Variants in DLGAP2 observed in about 807,000 individuals in gnomAD.
DLGAP2 encodes the protein disks large-associated protein 2.
A neutral mutation model predicts 100.3 loss-of-function variants in DLGAP2; 26 were observed. That is an observed-to-expected ratio of 0.26 (90% CI 0.19 to 0.36). DLGAP2 has a LOEUF of 0.36. Ranked by LOEUF, DLGAP2 falls within the 10% of genes least tolerant of loss-of-function variation. DLGAP2 has a pLI of 1.00. For missense variants in DLGAP2, 1,858 were observed against 1,453.2 expected, an observed-to-expected ratio of 1.28 and a Z score of -4.53; for synonymous variants, 886 against 630.1, an observed-to-expected ratio of 1.41 and a Z score of -6.08.
chr8:1,585,669 C>T (rs1240982376), intron 6 of DLGAP2, among the ~76,000 whole-genome samples: 2 of 152,194 alleles, frequency 1.3e-5, no homozygotes, highest in African/African-American at 4.8e-5. Flanking sequence ...CCTAGAGATG[C>T]GTCTCTGGAA....
rs138825439 is a variant in DLGAP2, at chr8:1,376,662, C to A, written c.106+117779C>A. ...GCTGCCAAGACCCTCACTCTGACCC[C>A]GGTGGGATGTGTGGTCATCGGCGGA... is the stretch of plus-strand genomic sequence containing the variant. On this transcript the variant is annotated intron_variant, in intron 3 of 14. Coordinates refer to ENST00000637795, the MANE Select transcript of DLGAP2 (RefSeq NM_001346810.2). Among the ~76,000 whole-genome samples the A allele has an allele frequency of 1.8e-3, 220 of 125,564 alleles. 5 individuals carry two copies. Among genetic ancestry groups the A allele is most frequent in the African/African-American group, 5.7e-3 (195 of 34,278 alleles). 82.4% of individuals were successfully genotyped at this position (125,564 alleles called of 152,430 possible). A position where few individuals can be genotyped will look rare whatever the true frequency, so the allele number is the denominator to read the frequency against.
chr8:1,105,364 G>A (rs530688687), intron 2 of DLGAP2, among the ~76,000 whole-genome samples: 1 of 152,336 alleles, frequency 6.6e-6, no homozygotes, highest in South Asian at 2.1e-4. Flanking sequence ...TGTTCTGCCT[G>A]AAGGAGGAGA....
chr8:1,297,256 A>T (rs1361018921), intron 3 of DLGAP2: 1 of 152,252 alleles, frequency 6.6e-6, no homozygotes, highest in East Asian at 1.9e-4. Flanking sequence ...TTGTATCCAC[A>T]AACAAATCTT....
chr8:996,021 A>G (rs1338742056), intron 2 of DLGAP2, among the ~76,000 whole-genome samples: 1 of 152,160 alleles, frequency 6.6e-6, no homozygotes, highest in Non-Finnish European at 1.5e-5. Context: ...AGCAAAGGCA[A>G]GGCCATTGTC....
At chr8:1,434,501 G>A (rs1387951422) in intron 3 of DLGAP2, among the ~76,000 whole-genome samples, 1 of 151,816 alleles carries the variant, frequency 6.6e-6, no homozygotes, top group Admixed American at 6.6e-5. Flanking sequence ...TTTTGAGACA[G>A]TGTCTCACTC....
intron 2 of DLGAP2, among the ~76,000 whole-genome samples, chr8:1,210,214 C>A (rs931122499): frequency 1.3e-5 from 2 of 152,144 alleles, no homozygotes; most frequent in Non-Finnish European, 2.9e-5. Flanking sequence ...AGGGTCCCAT[C>A]CGTCCAGGGC....
intron 2 of DLGAP2, among the ~76,000 whole-genome samples, chr8:1,108,711 C>T (rs1804857176): frequency 1.6e-5 from 2 of 125,666 alleles, no homozygotes; most frequent in African/African-American, 3.1e-5. Context: ...GTGAGGTGTG[C>T]ACGTGCCTAT....
At chr8:1,194,263 C>G (rs1334372524) in intron 2 of DLGAP2, among the ~76,000 whole-genome samples, 2 of 152,104 alleles carry the variant, frequency 1.3e-5, no homozygotes, top group African/African-American at 2.4e-5. Flanking sequence ...AACACAGGCT[C>G]TGCGATTTTG....
At chr8:936,276 A>G (rs1799069458) in intron 2 of DLGAP2, among the ~76,000 whole-genome samples, 1 of 152,130 alleles carries the variant, frequency 6.6e-6, no homozygotes. Flanking sequence ...AAGGGGACCC[A>G]AGGGGGCTCT....
chr8:1,189,026 C>T (rs1334404600), intron 2 of DLGAP2, among the ~76,000 whole-genome samples: 3 of 150,870 alleles, frequency 2.0e-5, no homozygotes, highest in Non-Finnish European at 4.4e-5. Context: ...AGGGTTCGGG[C>T]CCCATGGCGG....
intron 3 of DLGAP2, among the ~76,000 whole-genome samples, chr8:1,436,699 G>A (rs1280759363): frequency 1.3e-5 from 2 of 151,848 alleles, no homozygotes; most frequent in African/African-American, 4.8e-5. Context: ...GTGATGTCTC[G>A]GGCCGCGCAT....
intron 12 of DLGAP2, 149 bp from the exon 13 acceptor site, chr8:1,691,386 C>T (rs1799256177): frequency 3.1e-6 from 2 of 642,288 alleles, no homozygotes; most frequent in Non-Finnish European, 5.4e-6. Flanking sequence ...CACTAAGGCA[C>T]GAGTCACCAG....
chr8:1,416,973 G>T (rs1215839511), intron 3 of DLGAP2, among the ~76,000 whole-genome samples: 3 of 152,162 alleles, frequency 2.0e-5, no homozygotes, highest in Non-Finnish European at 2.9e-5. Flanking sequence ...GTGCGGCTGT[G>T]GCATTGAGAC....
At chr8:1,244,126 G>A (rs1048585389) in intron 2 of DLGAP2, among the ~76,000 whole-genome samples, 2 of 152,208 alleles carry the variant, frequency 1.3e-5, no homozygotes, top group African/African-American at 4.8e-5. Context: ...AGTGTCGGAT[G>A]CTCCCAGGTG....
intron 1 of DLGAP2, among the ~76,000 whole-genome samples, chr8:750,522 A>G (rs767433380): frequency 4.6e-5 from 7 of 152,266 alleles, no homozygotes; most frequent in Non-Finnish European, 7.3e-5. Context: ...AAAGAAGCCA[A>G]TATTTCAGTT....
At chr8:1,488,185 C>A (rs1376528431) in intron 3 of DLGAP2, among the ~76,000 whole-genome samples, 1 of 152,140 alleles carries the variant, frequency 6.6e-6, no homozygotes, top group African/African-American at 2.4e-5. Context: ...CAGTCCTCCC[C>A]ACACTGTCCT....
chr8:1,245,317 T>C (rs1798880558), intron 2 of DLGAP2, among the ~76,000 whole-genome samples: 1 of 152,212 alleles, frequency 6.6e-6, no homozygotes, highest in Non-Finnish European at 1.5e-5. Flanking sequence ...TTATTCATGA[T>C]ACTCAAAGAT....
intron 3 of DLGAP2, among the ~76,000 whole-genome samples, chr8:1,454,954 G>A (rs920935758): frequency 6.6e-6 from 1 of 152,014 alleles, no homozygotes; most frequent in Non-Finnish European, 1.5e-5. Flanking sequence ...CCCGCCCATC[G>A]GGCCCCCAGT....
At chr8:1,357,832 C>T (rs1801891847) in intron 3 of DLGAP2, among the ~76,000 whole-genome samples, 1 of 152,168 alleles carries the variant, frequency 6.6e-6, no homozygotes, top group Non-Finnish European at 1.5e-5. Flanking sequence ...CTGTGGGCCT[C>T]AGAGCACAGG....
Sources: allele counts gnomAD v4.1 joint callset (sites outside exome capture counted in the v4.1 genomes callset), GRCh38; gene constraint gnomAD v4.1.1; transcripts MANE v1.5; gene names NCBI Gene and HGNC (gene_info 2026-07-23, HGNC 2026-07-21).